Variants in CNTNAP5 observed in about 807,000 individuals in gnomAD.
CNTNAP5 encodes contactin associated protein family member 5.
In CNTNAP5, 72 loss-of-function variants were observed where a neutral mutation model predicts 150.2. The ratio of observed to expected loss-of-function variants is 0.48; its 90% CI spans 0.40 to 0.58. The LOEUF (loss-of-function observed/expected upper bound fraction) is 0.58. CNTNAP5 is among the 20% of genes least tolerant of loss of function. The probability of loss-of-function intolerance (pLI) is 0.00; values close to 1 mark genes in which losing one functional copy is unlikely to be tolerated. For synonymous variants in CNTNAP5, 672 were observed against 619.8 expected (o/e 1.08, Z -1.25); for missense variants, 1,636 against 1,626.2 (o/e 1.01, Z -0.10).
chr2:124,763,710 T>C lies in CNTNAP5; in HGVS notation c.2273T>C (p.Leu758Ser). The C allele has an allele frequency of 6.2e-7, 1 of 1,612,924 alleles. No homozygotes were observed. The highest frequency in any genetic ancestry group is 8.5e-7 in the Non-Finnish European group (1 of 1,179,332). ...GGCTTTCTTTCCTTCAAAGACCACT[T>C]GCCTGTCACTCAGATAGTTATCACT... The part of the protein sequence containing the change: ...DTGFLSFKDH[L>S]PVTQIVITDT... The change falls in exon 15 of 24, where the codon TTG (leucine) becomes TCG (serine). Residue 758 changes from leucine (L) to serine (S), a missense_variant. Coordinates refer to ENST00000682447, the MANE Select transcript of CNTNAP5 (RefSeq NM_001367498.1).
chr2:124,229,720 C>T (rs931484245), intron 2 of CNTNAP5, among the ~76,000 whole-genome samples: 3 of 151,948 alleles, frequency 2.0e-5, no homozygotes. Context: ...GAAAGACTTA[C>T]TGTCCGCAGG....
At position 124,451,410 on chromosome 2, in the gene CNTNAP5, T is replaced by C. The variant is rs1040926504; in HGVS notation, c.918+4473T>C. On this transcript the variant is annotated intron_variant, in intron 6 of 23. Transcript: ENST00000682447. Reference sequence around the variant, plus strand: ...AATCCAGAAACTTGGAACTAAGATATATAAAAAATTTCGTCTATGTAAAAT... The same window carrying C: ...AATCCAGAAACTTGGAACTAAGATACATAAAAAATTTCGTCTATGTAAAAT... 1.9e-4 allele frequency among the ~76,000 whole-genome samples: 29 copies of C among 152,014 alleles called. 1 individual carries two copies. The highest frequency in any genetic ancestry group is 1.5e-5 in the Non-Finnish European group (1 of 68,014).
chr2:124,720,311 T>C (rs2105114992), intron 13 of CNTNAP5, among the ~76,000 whole-genome samples: 1 of 152,330 alleles, frequency 6.6e-6, no homozygotes, highest in Middle Eastern at 3.4e-3. Flanking sequence ...CTGCCAAATA[T>C]TGTCATTAAA....
At chr2:124,421,461 C>T (rs1225085812) in intron 4 of CNTNAP5, among the ~76,000 whole-genome samples, 1 of 152,170 alleles carries the variant, frequency 6.6e-6, no homozygotes, top group African/African-American at 2.4e-5. Context: ...AACTTATCTA[C>T]AGCTCACAGT....
At chr2:124,119,644 A>C (rs1486013038) in intron 1 of CNTNAP5, among the ~76,000 whole-genome samples, 1 of 152,204 alleles carries the variant, frequency 6.6e-6, no homozygotes, top group Non-Finnish European at 1.5e-5. Flanking sequence ...ATAGTGGCTC[A>C]TGCCTGAGAT....
At chr2:124,343,604 A>C (rs547265588) in intron 3 of CNTNAP5, among the ~76,000 whole-genome samples, 22 of 152,320 alleles carry the variant, frequency 1.4e-4, no homozygotes, top group African/African-American at 4.8e-4. Flanking sequence ...AAGCAAAAAC[A>C]GGAAGTTACA....
chr2:124,392,687 C>CAAAAAAAAAA lies in CNTNAP5; in HGVS notation c.382-24742_382-24733dup, dbSNP rs35107442. 2.2e-4 allele frequency among the ~76,000 whole-genome samples: 15 copies of CAAAAAAAAAA among 68,764 alleles called. 1 individual carries two copies. The highest frequency in any genetic ancestry group is 2.7e-4 in the Non-Finnish European group (10 of 37,410). 45.1% of individuals were successfully genotyped at this position (68,764 alleles called of 152,430 possible). A position where few individuals can be genotyped will look rare whatever the true frequency, so the allele number is the denominator to read the frequency against. On this transcript the variant is annotated intron_variant, in intron 3 of 23. Transcript: ENST00000682447. ...TGATTTGCATTTTGTTTTTCTTTGC[C>CAAAAAAAAAA]AAAAAAAAAAAAAAAAAAAAAAAGG...
At chr2:124,634,744 T>A (rs1430567549) in intron 12 of CNTNAP5, among the ~76,000 whole-genome samples, 1 of 152,074 alleles carries the variant, frequency 6.6e-6, no homozygotes, top group African/African-American at 2.4e-5. Flanking sequence ...GCTCAAGTGA[T>A]TCATCCACCT....
rs72972599 is a variant in CNTNAP5 at position 124,621,673 on chromosome 2, C to T, written c.1876+11753C>T. 8.0e-3 allele frequency among the ~76,000 whole-genome samples: 1,221 copies of T among 152,274 alleles called. 18 individuals are homozygous for T. The highest frequency in any genetic ancestry group is 0.028 in the African/African-American group (1,154 of 41,560). On this transcript the variant is annotated intron_variant, in intron 12 of 23. Transcript: ENST00000682447. ...ATGTGGTTTGGCCTAAATTGGTAGC[C>T]TTGCTTCCTGAAGTTAGAGCGATGT...
rs191271099 is a variant in CNTNAP5 at position 124,270,071 on chromosome 2, T to A, written c.381+27678T>A. Among the ~76,000 whole-genome samples the A allele has an allele frequency of 1.6e-3, 241 of 152,190 alleles. 2 individuals are homozygous for A. Among genetic ancestry groups the A allele is most frequent in the African/African-American group, 5.2e-3 (214 of 41,542 alleles). On this transcript the variant is annotated intron_variant, in intron 3 of 23. Transcript: ENST00000682447. Reference sequence around the variant, plus strand: ...TGGCTCATGCCTGTAATCCCAGCACTTTGGGAGGCCGAGGCGGGTGGATCA... The same window carrying A: ...TGGCTCATGCCTGTAATCCCAGCACATTGGGAGGCCGAGGCGGGTGGATCA...
intron 19 of CNTNAP5, among the ~76,000 whole-genome samples, chr2:124,818,212 C>T (rs1682408108): frequency 6.6e-6 from 1 of 152,174 alleles, no homozygotes; most frequent in Non-Finnish European, 1.5e-5. Flanking sequence ...ATATTTTAGC[C>T]TCACTTGTCC....
intron 1 of CNTNAP5, among the ~76,000 whole-genome samples, chr2:124,168,057 C>T (rs1205361846): frequency 6.6e-6 from 1 of 152,162 alleles, no homozygotes; most frequent in Non-Finnish European, 1.5e-5. Flanking sequence ...GCACAAGCCT[C>T]ATGAAACTGT....
At chr2:124,460,814 C>T (rs1048949775) in intron 6 of CNTNAP5, among the ~76,000 whole-genome samples, 1 of 151,998 alleles carries the variant, frequency 6.6e-6, no homozygotes, top group Non-Finnish European at 1.5e-5. Flanking sequence ...ACTGGCCAGA[C>T]ATAATAAAAC....
chr2:124,863,478 C>A (rs1380944540), intron 19 of CNTNAP5, among the ~76,000 whole-genome samples: 1 of 152,180 alleles, frequency 6.6e-6, no homozygotes, highest in Non-Finnish European at 1.5e-5. Flanking sequence ...TCTGCGTGGT[C>A]AGAACCACAG....
intron 1 of CNTNAP5, among the ~76,000 whole-genome samples, chr2:124,062,241 G>T (rs1682028852): frequency 6.6e-6 from 1 of 152,132 alleles, no homozygotes; most frequent in Non-Finnish European, 1.5e-5. Context: ...TATATGAACT[G>T]CTCCTATTAT....
intron 19 of CNTNAP5, among the ~76,000 whole-genome samples, chr2:124,834,391 T>G (rs1381892093): frequency 1.3e-5 from 2 of 152,192 alleles, no homozygotes; most frequent in African/African-American, 4.8e-5. Context: ...AGCTGTACTC[T>G]CTGAAAAGTG....
chr2:124,235,919 T>G (rs926755264), intron 2 of CNTNAP5, among the ~76,000 whole-genome samples: 3 of 151,460 alleles, frequency 2.0e-5, no homozygotes, highest in African/African-American at 7.3e-5. Flanking sequence ...ACATGGTGCA[T>G]GGTGTGTTGG....
At chr2:124,221,308 C>T (rs1686304639) in intron 1 of CNTNAP5, among the ~76,000 whole-genome samples, 1 of 152,108 alleles carries the variant, frequency 6.6e-6, no homozygotes, top group Non-Finnish European at 1.5e-5. Flanking sequence ...AATGTTTCCC[C>T]CTTTTAATCA....
intron 1 of CNTNAP5, among the ~76,000 whole-genome samples, chr2:124,034,832 AT>A (rs1681165927): frequency 6.6e-6 from 1 of 152,176 alleles, no homozygotes; most frequent in South Asian, 2.1e-4. Flanking sequence ...TGGACCTAGA[AT>A]TGGAAAGTTG....
Sources: gnomAD v4.1 joint callset for allele counts (sites outside exome capture counted in the v4.1 genomes callset) on GRCh38, gnomAD v4.1.1 for gene constraint, MANE v1.5 for transcripts, NCBI Gene and HGNC (gene_info 2026-07-23, HGNC 2026-07-21) for gene names.